MARCHF5: variants seen among roughly 807,000 people sequenced by gnomAD.
MARCHF5 encodes E3 ubiquitin-protein ligase MARCHF5.
In MARCHF5, 5 loss-of-function variants were observed where a neutral mutation model predicts 36.5. The observed-to-expected ratio is 0.14, with a 90% CI of 0.07 to 0.29. The LOEUF (loss-of-function observed/expected upper bound fraction) is 0.29, where lower values mean the gene tolerates loss of function less well. Ranked by LOEUF, MARCHF5 falls within the 10% of genes least tolerant of loss-of-function variation. The probability of loss-of-function intolerance (pLI) is 1.00; values close to 1 mark genes in which losing one functional copy is unlikely to be tolerated. For synonymous variants in MARCHF5, 103 were observed against 109.9 expected (o/e 0.94, Z 0.39); for missense variants, 179 against 336.3 (o/e 0.53, Z 3.66).
chr10:92,300,720 G>GT (rs1843002307), intron 1 of MARCHF5, among the ~76,000 whole-genome samples: 1 of 152,042 alleles, frequency 6.6e-6, no homozygotes, highest in South Asian at 2.1e-4. Context: ...ACATAAGGTG[G>GT]TTTTTGTTTT....
intron 3 of MARCHF5, among the ~76,000 whole-genome samples, chr10:92,346,412 T>G (rs1461765524): frequency 6.6e-6 from 1 of 152,158 alleles, no homozygotes; most frequent in East Asian, 1.9e-4. Context: ...CTAACTTGCT[T>G]GAGCATGGGG....
intron 3 of MARCHF5, among the ~76,000 whole-genome samples, chr10:92,346,492 C>CTTTTTT (rs763991703): frequency 4.1e-4 from 36 of 88,258 alleles, no homozygotes; most frequent in Non-Finnish European, 5.6e-4. Context: ...CTATTTCCTT[C>CTTTTTT]TTTTTTTTTT....
chr10:92,302,508 G>A (rs1347363766), intron 1 of MARCHF5, among the ~76,000 whole-genome samples: 11 of 149,446 alleles, frequency 7.4e-5, no homozygotes, highest in Admixed American at 4.7e-4. Flanking sequence ...GCAATGGCAC[G>A]ATCTCGGCTC....
intron 2 of MARCHF5, among the ~76,000 whole-genome samples, chr10:92,336,617 G>A (rs575826829): frequency 1.3e-5 from 2 of 152,180 alleles, no homozygotes; most frequent in African/African-American, 4.8e-5. Context: ...GTAGGGGTTC[G>A]TAGGGTGGGC....
intron 2 of MARCHF5, among the ~76,000 whole-genome samples, chr10:92,315,152 A>T (rs1843194354): frequency 6.6e-6 from 1 of 152,172 alleles, no homozygotes; most frequent in African/African-American, 2.4e-5. Context: ...AAAACTTTTA[A>T]AAAGTTGCTT....
intron 1 of MARCHF5, among the ~76,000 whole-genome samples, chr10:92,302,786 A>G (rs776340345): frequency 6.6e-6 from 1 of 152,150 alleles, no homozygotes; most frequent in Non-Finnish European, 1.5e-5. Context: ...CCCTCCTTAC[A>G]TTAACCACAG....
chr10:92,316,215 G>A (rs1843207570), intron 2 of MARCHF5, among the ~76,000 whole-genome samples: 1 of 152,086 alleles, frequency 6.6e-6, no homozygotes, highest in South Asian at 2.1e-4. Flanking sequence ...ATGCTAGCTG[G>A]CCAATTCTGC....
rs977446841 is a variant in MARCHF5 at position 92,302,739 on chromosome 10, C to A, written c.36-8396C>A. On this transcript the variant is annotated intron_variant, in intron 1 of 5. Transcript: ENST00000358935. The stretch of plus-strand genomic sequence containing the variant: ...GATTATAGGCGTGAGCCACCGTGCC[C>A]GGCCTAACATGTAGTCTTTTTCTTT... Among the ~76,000 whole-genome samples, 4 of 152,182 alleles carry A rather than the reference C, an allele frequency of 2.6e-5. No individual in the cohort carries two copies. The East Asian group carries it at 5.8e-4, about 22-fold the overall frequency.
intron 2 of MARCHF5, among the ~76,000 whole-genome samples, chr10:92,333,299 G>GAGTTCGAGACCAACCTGA (rs1843462967): frequency 6.6e-6 from 1 of 151,698 alleles, no homozygotes; most frequent in Non-Finnish European, 1.5e-5. Context: ...GAGTACTGTG[G>GAGTTCGAGACCAACCTGA]CTAGGTCCTG....
intron 2 of MARCHF5, among the ~76,000 whole-genome samples, chr10:92,333,209 T>C (rs556213420): frequency 6.6e-6 from 1 of 151,056 alleles, no homozygotes; most frequent in East Asian, 2.0e-4. Context: ...TTTGTTGGCT[T>C]GGGACCATAT....
intron 2 of MARCHF5, among the ~76,000 whole-genome samples, chr10:92,338,104 G>T (rs1346090332): frequency 6.6e-6 from 1 of 151,958 alleles, no homozygotes; most frequent in Non-Finnish European, 1.5e-5. Context: ...TGGGAGGCTC[G>T]CTTGAGCTGG....
At chr10:92,304,771 T>C (rs1266822813) in intron 1 of MARCHF5, among the ~76,000 whole-genome samples, 1 of 152,136 alleles carries the variant, frequency 6.6e-6, no homozygotes, top group Non-Finnish European at 1.5e-5. Context: ...TGATGGTTTT[T>C]CTCCCCTCAT....
At chr10:92,337,121 C>CAAAA (rs199761409) in intron 2 of MARCHF5, among the ~76,000 whole-genome samples, 2 of 129,438 alleles carry the variant, frequency 1.5e-5, no homozygotes, top group Admixed American at 7.4e-5. Context: ...GACTCTGTCT[C>CAAAA]AAAAAAAAAA....
intron 2 of MARCHF5, among the ~76,000 whole-genome samples, chr10:92,322,437 T>TC (rs1250082232): frequency 1.4e-5 from 2 of 145,432 alleles, no homozygotes; most frequent in South Asian, 2.2e-4. Context: ...TTTCTTTTTG[T>TC]CCTTTTTTTT....
intron 3 of MARCHF5, among the ~76,000 whole-genome samples, chr10:92,343,790 A>C (rs964680129): frequency 1.3e-5 from 2 of 152,130 alleles, no homozygotes; most frequent in Non-Finnish European, 2.9e-5. Context: ...GCTGGTCTGG[A>C]ACTCCTGACC....
rs768951812 is a variant in MARCHF5 at position 92,311,172 on chromosome 10, A to C, written c.73A>C (p.Arg25=). The C allele has an allele frequency of 6.2e-7, 1 of 1,614,154 alleles. No individual in the cohort carries two copies. Among genetic ancestry groups the C allele is most frequent in the East Asian group, 2.2e-5 (1 of 44,878 alleles). The change falls in exon 2 of 6, where the codon AGA becomes CGA. Residue 25 remains arginine (R), a synonymous_variant. Coordinates refer to ENST00000358935, the MANE Select transcript of MARCHF5 (RefSeq NM_017824.5). ...TTGTTTTGCTACTGATGAAGATGAT[A>C]GAACAGCTGAATGGGTGAGACCATG... ...WVCFATDEDD[R]TAEWVRPCRC...
intron 3 of MARCHF5, among the ~76,000 whole-genome samples, chr10:92,343,229 C>T (rs1843600131): frequency 6.6e-6 from 1 of 152,136 alleles, no homozygotes; most frequent in Non-Finnish European, 1.5e-5. Context: ...TAATACCTGC[C>T]CTTCTAGTCT....
intron 2 of MARCHF5, among the ~76,000 whole-genome samples, chr10:92,339,165 C>T (rs6583809): frequency 0.99 from 150,241 of 152,214 alleles, 74,177 homozygotes; most frequent in Middle Eastern, 1. Context: ...AGGTCGGGAG[C>T]TCAAGACCAA....
At chr10:92,339,756 C>T (rs996653706) in intron 2 of MARCHF5, among the ~76,000 whole-genome samples, 1 of 152,118 alleles carries the variant, frequency 6.6e-6, no homozygotes, top group South Asian at 2.1e-4. Context: ...TTCCATTCTT[C>T]TGGAAAATTC....
Sources: allele counts gnomAD v4.1 joint callset (sites outside exome capture counted in the v4.1 genomes callset), GRCh38; gene constraint gnomAD v4.1.1; transcripts MANE v1.5; gene names NCBI Gene and HGNC (gene_info 2026-07-23, HGNC 2026-07-21).